BUB1: variants seen among roughly 807,000 people sequenced by gnomAD.
BUB1 encodes BUB1 mitotic checkpoint serine/threonine kinase.
Under a neutral mutation model 135.2 loss-of-function variants are expected in BUB1, and 84 were observed. The ratio of observed to expected loss-of-function variants is 0.62; its 90% CI spans 0.52 to 0.74. The LOEUF is 0.74. BUB1 is among the 30% of genes least tolerant of loss of function. BUB1 has a pLI of 0.00. For missense variants in BUB1, 1,162 were observed against 1,288.3 expected (o/e 0.90, Z 1.50); for synonymous variants, 403 against 434.4 (o/e 0.93, Z 0.90).
chr2:110,643,057 T>C (rs1689545164), intron 19 of BUB1, among the ~76,000 whole-genome samples: 1 of 152,196 alleles, frequency 6.6e-6, no homozygotes, highest in Non-Finnish European at 1.5e-5. Flanking sequence ...AGATGTAAAG[T>C]AGTAGATTTC....
intron 5 of BUB1, 108 bp from the exon 6 acceptor site, chr2:110,669,661 A>C (rs1690364878): frequency 6.0e-6 from 4 of 665,448 alleles, no homozygotes; most frequent in Non-Finnish European, 7.7e-6. Flanking sequence ...CATAAGAAGT[A>C]AATCAACTCA....
At position 110,655,923 on chromosome 2, in the gene BUB1, C is replaced by A. The variant is rs1352475816; in HGVS notation, c.1699-7G>T. On this transcript the variant is annotated splice_region_variant and splice_polypyrimidine_tract_variant and intron_variant, in intron 15 of 24. Coordinates refer to ENST00000302759, the MANE Select transcript of BUB1 (RefSeq NM_004336.5). ...CAGCATGAGGCACTTCCTCCTATAA[C>A]AGAAGATGAAATGAAAAAAAAGCAG... is the stretch of plus-strand genomic sequence containing the variant. The A allele has an allele frequency of 2.5e-6, 4 of 1,610,068 alleles. No individual in the cohort carries two copies. The highest frequency in any genetic ancestry group is 3.4e-6 in the Non-Finnish European group (4 of 1,177,488).
In BUB1 at chr2:110,676,107, A is replaced by G. The variant is rs181214961; in HGVS notation, c.27-1742T>C. On this transcript the variant is annotated intron_variant, in intron 1 of 24. Transcript: ENST00000302759. ...ATGGCAAATAACCAAAACAAACAAA[A>G]AAACCACAAAATAGTCAAAAGAGAA... Among the ~76,000 whole-genome samples, 22 of 152,310 alleles carry G rather than the reference A, an allele frequency of 1.4e-4. 1 individual carries two copies. Among genetic ancestry groups the G allele is most frequent in the African/African-American group, 4.6e-4 (19 of 41,558 alleles).
At chr2:110,666,212 C>T (rs1690250538) in intron 9 of BUB1, 51 bp downstream of exon 9, 2 of 1,310,852 alleles carry the variant, frequency 1.5e-6, no homozygotes, top group Non-Finnish European at 2.0e-6. Context: ...ACAAATCAAA[C>T]TGCCATTCCT....
chr2:110,662,630 T>A (rs1455138116), intron 9 of BUB1, among the ~76,000 whole-genome samples: 1 of 152,164 alleles, frequency 6.6e-6, no homozygotes, highest in African/African-American at 2.4e-5. Flanking sequence ...CAAAACCCTG[T>A]CTCTACAAAA....
chr2:110,647,398 G>A (rs1689670072), intron 19 of BUB1, among the ~76,000 whole-genome samples: 1 of 152,034 alleles, frequency 6.6e-6, no homozygotes, highest in African/African-American at 2.4e-5. Context: ...ACAACCAAGT[G>A]CAATTTATCC....
intron 5 of BUB1, 44 bp downstream of exon 5, chr2:110,670,481 G>A: frequency 6.2e-7 from 1 of 1,604,442 alleles, no homozygotes; most frequent in African/African-American, 1.3e-5. Flanking sequence ...ACAAATCCAA[G>A]ACTAAATGGA....
chr2:110,660,146 A>G (rs1690042394), intron 10 of BUB1, 110 bp from the exon 11 acceptor site: 15 of 808,704 alleles, frequency 1.9e-5, no homozygotes, highest in Non-Finnish European at 3.0e-5. Context: ...CCGAGGCGGG[A>G]GGATCACCTG....
At position 110,641,696 on chromosome 2, in the gene BUB1, T is replaced by A; in HGVS notation, c.2571A>T (p.Leu857Phe). The change falls in exon 21 of 25, where the codon TTA becomes TTT. Residue 857 changes from leucine to phenylalanine, a missense_variant. By Grantham distance (22) the Leu-to-Phe change is conservative. Coordinates refer to ENST00000302759, the MANE Select transcript of BUB1 (RefSeq NM_004336.5). ...CTACTAATACACTGCCATTCTGGAA[T>A]AAGTGGGCAGAATAGAACTTCATAA... ...HMFMKFYSAH[L>F]FQNGSVLVGE... The A allele has an allele frequency of 6.2e-7, 1 of 1,613,314 alleles. No homozygotes were observed.
chr2:110,667,879 C>A (rs1690305737), intron 6 of BUB1, 30 bp from the exon 7 acceptor site: 3 of 1,602,666 alleles, frequency 1.9e-6, no homozygotes, highest in South Asian at 1.1e-5. Flanking sequence ...CATGAGCATT[C>A]ACTTATCTGA....
intron 19 of BUB1, among the ~76,000 whole-genome samples, chr2:110,643,681 C>G (rs1239123707): frequency 6.6e-6 from 1 of 152,014 alleles, no homozygotes; most frequent in Non-Finnish European, 1.5e-5. Context: ...ACTCTGTCAC[C>G]CAGGCTAGAG....
At chr2:110,641,552 C>A in intron 21 of BUB1, 88 bp from the exon 22 acceptor site, 1 of 1,553,816 alleles carries the variant, frequency 6.4e-7, no homozygotes. Context: ...CCCACCACTC[C>A]ACAAAAGCCC....
At position 110,666,356 on chromosome 2, in the gene BUB1, T is replaced by C. The variant is rs759693666; in HGVS notation, c.864A>G (p.Leu288=). The change falls in exon 9 of 25, where the codon CTA becomes CTG. Residue 288 remains leucine (L), a synonymous_variant. Coordinates refer to ENST00000302759, the MANE Select transcript of BUB1 (RefSeq NM_004336.5). ...RKEANAFEEQ[L]LKQKMDELHK... ...GAAGTTCATCCATTTTCTGTTTTAATAGCTGTTCTTCAAAAGCATTTGCTT... is the reference window on the plus strand; with the variant it reads ...GAAGTTCATCCATTTTCTGTTTTAACAGCTGTTCTTCAAAAGCATTTGCTT... 1.9e-6 allele frequency: 3 copies of C among 1,540,710 alleles called. No individual in the cohort carries two copies. The highest frequency in any genetic ancestry group is 1.4e-5 in the African/African-American group (1 of 72,080).
At chr2:110,662,414 C>T (rs1690124705) in intron 9 of BUB1, among the ~76,000 whole-genome samples, 1 of 152,184 alleles carries the variant, frequency 6.6e-6, no homozygotes, top group African/African-American at 2.4e-5. Flanking sequence ...CTACTCACAT[C>T]AGTGTAAGAC....
At chr2:110,660,159 G>A in intron 10 of BUB1, 123 bp from the exon 11 acceptor site, 1 of 697,380 alleles carries the variant, frequency 1.4e-6, no homozygotes. Context: ...ATCACCTGAG[G>A]TCAGAAGTTC....
intron 21 of BUB1, 82 bp from the exon 22 acceptor site, chr2:110,641,546 C>A (rs1559163236): frequency 1.9e-6 from 3 of 1,555,644 alleles, no homozygotes; most frequent in Admixed American, 1.9e-5. Context: ...CCCCTGCCCA[C>A]CACTCCACAA....
At chr2:110,675,611 T>C (rs1559177162) in intron 1 of BUB1, among the ~76,000 whole-genome samples, 1 of 152,144 alleles carries the variant, frequency 6.6e-6, no homozygotes, top group Non-Finnish European at 1.5e-5. Flanking sequence ...TATAAGATTT[T>C]TTTTTTTTTT....
chr2:110,651,307 T>C (rs955175960), intron 17 of BUB1, among the ~76,000 whole-genome samples: 3 of 152,176 alleles, frequency 2.0e-5, no homozygotes, highest in African/African-American at 7.2e-5. Flanking sequence ...TAGTGATGTC[T>C]GATGATCCTG....
In BUB1 at chr2:110,650,424, A is replaced by C. The variant is rs1200012581; in HGVS notation, c.2203+122T>G. 4 of 839,734 alleles carry C rather than the reference A, an allele frequency of 4.8e-6. No individual in the cohort carries two copies. In the African/African-American group the frequency reaches 6.7e-5, roughly 14 times the overall value. The allele number at this position is 839,734 out of a possible 1,614,324, so 52.0% of individuals were successfully genotyped here. ...TGATGCATTATGCAAGTTTCATCTGAACTCACTGACATCTGTTCTACTCAG... is the reference window on the plus strand; with the variant it reads ...TGATGCATTATGCAAGTTTCATCTGCACTCACTGACATCTGTTCTACTCAG... On this transcript the variant is annotated intron_variant, in intron 18 of 24. Coordinates refer to ENST00000302759, the MANE Select transcript of BUB1 (RefSeq NM_004336.5).
Sources: allele counts gnomAD v4.1 joint callset (sites outside exome capture counted in the v4.1 genomes callset), GRCh38; gene constraint gnomAD v4.1.1; transcripts MANE v1.5; gene names NCBI Gene and HGNC (gene_info 2026-07-23, HGNC 2026-07-21).